Variants in AXDND1 observed in about 807,000 individuals in gnomAD.
AXDND1 encodes axonemal dynein light chain domain-containing protein 1.
In AXDND1, 110 loss-of-function variants were observed where a neutral mutation model predicts 137.5. The observed-to-expected ratio is 0.80, with a 90% confidence interval of 0.69 to 0.94. AXDND1 has a LOEUF of 0.94. Ranked by LOEUF, AXDND1 falls within the 40% of genes least tolerant of loss-of-function variation. The pLI is 0.00. For synonymous variants in AXDND1, 414 were observed against 399.7 expected (o/e 1.04, Z -0.43); for missense variants, 1,191 against 1,169.8 (o/e 1.02, Z -0.26).
At chr1:179,474,796 A>C (rs1664404618) in intron 17 of AXDND1, among the ~76,000 whole-genome samples, 1 of 152,222 alleles carries the variant, frequency 6.6e-6, no homozygotes, top group South Asian at 2.1e-4. Context: ...AGTAATGAGA[A>C]ACTGAGTGTT....
intron 17 of AXDND1, among the ~76,000 whole-genome samples, chr1:179,478,715 C>T (rs948738409): frequency 6.6e-6 from 1 of 152,238 alleles, no homozygotes; most frequent in African/African-American, 2.4e-5. Flanking sequence ...CTGCAGCTGT[C>T]TTCAATTTCT....
chr1:179,440,694 G>A (rs1377426609), intron 15 of AXDND1, among the ~76,000 whole-genome samples: 1 of 152,250 alleles, frequency 6.6e-6, no homozygotes, highest in Non-Finnish European at 1.5e-5. Context: ...TAGTGGCCCA[G>A]AAAGTTGTGT....
chr1:179,471,218 T>C (rs1275234531), intron 17 of AXDND1, among the ~76,000 whole-genome samples: 1 of 152,200 alleles, frequency 6.6e-6, no homozygotes. Flanking sequence ...CCTGGTGTTA[T>C]ATCAATGTAA....
chr1:179,393,865 T>C, intron 9 of AXDND1, 38 bp from the exon 10 acceptor site: 1 of 1,520,784 alleles, frequency 6.6e-7, no homozygotes, highest in Non-Finnish European at 8.8e-7. Context: ...TAAATTCATT[T>C]ATCAGATCTA....
intron 23 of AXDND1, among the ~76,000 whole-genome samples, chr1:179,533,464 A>G (rs16854244): frequency 0.32 from 48,321 of 152,004 alleles, 8,329 homozygotes; most frequent in Middle Eastern, 0.43. Context: ...ATAAAGAAAC[A>G]TGTTGATCCT....
chr1:179,416,345 C>G (rs534810906), intron 12 of AXDND1, among the ~76,000 whole-genome samples: 1 of 152,106 alleles, frequency 6.6e-6, no homozygotes, highest in Admixed American at 6.5e-5. Flanking sequence ...TTGGTGGGCA[C>G]TTAGGTTGAT....
chr1:179,366,538 C>T lies in AXDND1; in HGVS notation c.29C>T (p.Pro10Leu). MSLPKTPST[P>L]LNSTSTSESK... ...TCTCTCCCGAAAACGCCCTCCACCC[C>T]GCTAAACTCTACATCAACATCTGAG... is the stretch of plus-strand genomic sequence containing the variant. Residue 10 changes from proline to leucine, a missense_variant, in exon 2 of 26, where the codon CCG becomes CTG. By Grantham distance (98) the Pro-to-Leu change is moderately conservative. Coordinates refer to ENST00000367618, the MANE Select transcript of AXDND1 (RefSeq NM_144696.6). The T allele has an allele frequency of 6.2e-7, 1 of 1,613,638 alleles. No individual in the cohort carries two copies. Among genetic ancestry groups the T allele is most frequent in the Non-Finnish European group, 8.5e-7 (1 of 1,179,702 alleles).
Position 179,554,531 on chromosome 1 carries a change from C to G in AXDND1, c.*12C>G. Reference sequence around the variant, plus strand: ...ATACAGGTCACTGAATCCAAGGCAACCTGTGGAAAGAAGAATTCAGATGTC... The same window carrying G: ...ATACAGGTCACTGAATCCAAGGCAAGCTGTGGAAAGAAGAATTCAGATGTC... On this transcript the variant is annotated 3_prime_UTR_variant, in exon 26 of 26. Transcript: ENST00000367618. 6.2e-7 allele frequency: 1 copy of G among 1,614,138 alleles called. No individual in the cohort carries two copies. Among genetic ancestry groups the G allele is most frequent in the South Asian group, 1.1e-5 (1 of 91,076 alleles).
At chr1:179,476,349 T>A (rs1664621988) in intron 17 of AXDND1, among the ~76,000 whole-genome samples, 1 of 152,224 alleles carries the variant, frequency 6.6e-6, no homozygotes, top group Non-Finnish European at 1.5e-5. Context: ...CAACAATATG[T>A]CCTATGTTAT....
At position 179,533,795 on chromosome 1, in the gene AXDND1, A is replaced by G. The variant is rs1671257497; in HGVS notation, c.2716A>G (p.Arg906Gly). 1.9e-6 allele frequency: 3 copies of G among 1,608,136 alleles called. No individual in the cohort carries two copies. The highest frequency in any genetic ancestry group is 2.7e-5 in the African/African-American group (2 of 74,880). ...LFETDVLSSW[R>G]ESAKQGTLAQ... ...TCATATCTCATATTTCCTCTGTCAG[A>G]GAGAGTCAGCTAAGCAAGGTACATT... Residue 906 changes from arginine (R) to glycine (G), a missense_variant and splice_region_variant, in exon 24 of 26, where the codon AGA (arginine) becomes GGA (glycine). Arg to Gly is a moderately radical substitution (Grantham distance 125, BLOSUM62 -2). Transcript: ENST00000367618.
At chr1:179,521,758 ATTTTTTTTT>A (rs34139679) in intron 21 of AXDND1, among the ~76,000 whole-genome samples, 1 of 123,624 alleles carries the variant, frequency 8.1e-6, no homozygotes, top group Non-Finnish European at 1.7e-5. Context: ...TCATTCTTAC[ATTTTTTTTT>A]TTTTTTTTTT....
intron 6 of AXDND1, 117 bp downstream of exon 6, chr1:179,379,599 GC>G: frequency 7.7e-7 from 1 of 1,301,154 alleles, no homozygotes; most frequent in Non-Finnish European, 1.0e-6. Context: ...TTCAAGACCA[GC>G]CTGGTCAACA....
At chr1:179,543,851 T>G (rs1157099294) in intron 25 of AXDND1, 2 of 152,468 alleles carry the variant, frequency 1.3e-5, no homozygotes. Context: ...GCAGAAAAAA[T>G]GTAAAACTGC....
intron 11 of AXDND1, among the ~76,000 whole-genome samples, chr1:179,410,878 A>G (rs1187793630): frequency 6.6e-6 from 1 of 152,192 alleles, no homozygotes; most frequent in Non-Finnish European, 1.5e-5. Context: ...AAAGAATAAG[A>G]TGAAAAATGT....
intron 25 of AXDND1, chr1:179,551,539 T>C: frequency 6.7e-7 from 1 of 1,490,468 alleles, no homozygotes; most frequent in Non-Finnish European, 9.3e-7. Flanking sequence ...AGACAAGCAC[T>C]GAGCATCTAC....
In AXDND1 at chr1:179,393,878, A is replaced by G. The variant is rs762369679; in HGVS notation, c.864-25A>G. On this transcript the variant is annotated intron_variant, in intron 9 of 25. Transcript: ENST00000367618. Reference sequence around the variant, plus strand: ...ACTAAATTCATTTATCAGATCTAGGAGCTTTTTGGTTGTTTGTCATGCAGA... The same window carrying G: ...ACTAAATTCATTTATCAGATCTAGGGGCTTTTTGGTTGTTTGTCATGCAGA... 3.8e-6 allele frequency: 6 copies of G among 1,564,540 alleles called. No individual in the cohort carries two copies. The African/African-American group carries it at 8.3e-5, about 22-fold the overall frequency.
chr1:179,453,397 G>C (rs540003364), intron 16 of AXDND1: 1 of 152,320 alleles, frequency 6.6e-6, no homozygotes, highest in African/African-American at 2.4e-5. Flanking sequence ...AGGCTGTACC[G>C]CACAAAACCA....
At chr1:179,517,324 G>A (rs909551240) in intron 21 of AXDND1, among the ~76,000 whole-genome samples, 7 of 152,216 alleles carry the variant, frequency 4.6e-5, no homozygotes, top group African/African-American at 1.4e-4. Flanking sequence ...CCTTAAGGCT[G>A]TTTCCAGGCA....
chr1:179,399,316 A>G (rs1651570669), intron 11 of AXDND1, among the ~76,000 whole-genome samples: 1 of 152,196 alleles, frequency 6.6e-6, no homozygotes, highest in African/African-American at 2.4e-5. Context: ...AAACAAAAAC[A>G]TAAAGTGGGG....
Sources: gnomAD v4.1 joint callset for allele counts (sites outside exome capture counted in the v4.1 genomes callset) on GRCh38, gnomAD v4.1.1 for gene constraint, MANE v1.5 for transcripts, NCBI Gene and HGNC (gene_info 2026-07-23, HGNC 2026-07-21) for gene names.